The following GDAP1 variants were observed in gnomAD, a reference collection of about 807,000 sequenced individuals.
GDAP1 encodes ganglioside induced differentiation associated protein 1.
A neutral mutation model predicts 40.1 loss-of-function variants in GDAP1; 34 were observed. That is an observed-to-expected ratio of 0.85 (90% CI 0.64 to 1.13). The LOEUF (loss-of-function observed/expected upper bound fraction) is 1.13, where lower values mean the gene tolerates loss of function less well. Among genes scored for constraint, GDAP1 ranks in the 50% most tolerant of loss-of-function variants. The pLI, the probability that GDAP1 is intolerant of heterozygous loss-of-function variation, is 0.00. For synonymous variants in GDAP1, 170 were observed against 157.4 expected (o/e 1.08, Z -0.60); for missense variants, 374 against 433.7 (o/e 0.86, Z 1.22).
intron 2 of GDAP1, among the ~76,000 whole-genome samples, chr8:74,382,384 T>A (rs1809968164): frequency 6.6e-6 from 1 of 151,580 alleles, no homozygotes; most frequent in African/African-American, 2.4e-5. Context: ...TGGTTTTTTT[T>A]TTTTTCTAGA....
intron 2 of GDAP1, among the ~76,000 whole-genome samples, chr8:74,455,832 T>C (rs1393469891): frequency 6.6e-6 from 1 of 151,900 alleles, no homozygotes; most frequent in Admixed American, 6.6e-5. Context: ...ATCACCATAA[T>C]ATATAGGATG....
intron 2 of GDAP1, among the ~76,000 whole-genome samples, chr8:74,355,841 T>G (rs1032301339): frequency 6.6e-6 from 1 of 152,272 alleles, no homozygotes; most frequent in South Asian, 2.1e-4. Context: ...TAATTTATTC[T>G]TAGGAAATAG....
Position 74,365,374 on chromosome 8 carries a change from A to G in GDAP1, c.*1007A>G. On this transcript the variant is annotated 3_prime_UTR_variant, in exon 6 of 6. Coordinates refer to ENST00000220822, the MANE Select transcript of GDAP1 (RefSeq NM_018972.4). ...GAATTAAATGGGTAGATAGTGATGC[A>G]TACCTGTATTCACTGATGTATGTTT... 1 of 453,982 alleles carries G rather than the reference A, an allele frequency of 2.2e-6. No individual in the cohort carries two copies. The allele number at this position is 453,982 out of a possible 1,614,324, so 28.1% of individuals were successfully genotyped here. A position where few individuals can be genotyped will look rare whatever the true frequency, so the allele number is the denominator to read the frequency against.
chr8:74,367,056 C>A, downstream of GDAP1: 2 of 204,760 alleles, frequency 9.8e-6, no homozygotes, highest in East Asian at 1.3e-4. Context: ...TAAATATGCA[C>A]GGTTAAAATG....
intron 2 of GDAP1, among the ~76,000 whole-genome samples, chr8:74,382,643 C>T (rs1809971473): frequency 1.3e-5 from 2 of 151,932 alleles, no homozygotes; most frequent in South Asian, 4.1e-4. Flanking sequence ...AATGATTATA[C>T]TGAATACATG....
chr8:74,427,208 C>T lies in GDAP1; in HGVS notation c.166-61470C>T, dbSNP rs1213163064. Among the ~76,000 whole-genome samples, 7 of 152,182 alleles carry T rather than the reference C, an allele frequency of 4.6e-5. No individual in the cohort carries two copies. The South Asian group carries it at 1.5e-3, about 32-fold the overall frequency. On this transcript the variant is annotated intron_variant, in intron 2 of 2. Transcript: ENST00000523640. ...TCCAGCTGACAGCCAGAATCAACTT[C>T]CAGATGGGTGAACGAGGCCGTGTGA...
At chr8:74,428,650 T>TTTTTTC in intron 2 of GDAP1, among the ~76,000 whole-genome samples, 1 of 132,478 alleles carries the variant, frequency 7.5e-6, no homozygotes, top group Admixed American at 7.7e-5. Flanking sequence ...TTTTTTTTTT[T>TTTTTTC]TTTTTTTTTT....
intron 2 of GDAP1, among the ~76,000 whole-genome samples, chr8:74,388,563 G>C (rs1368408359): frequency 6.6e-6 from 1 of 151,930 alleles, no homozygotes; most frequent in African/African-American, 2.4e-5. Flanking sequence ...TATGACTTCT[G>C]TCTTTTGCCT....
intron 2 of GDAP1, among the ~76,000 whole-genome samples, chr8:74,439,158 G>T (rs1024113694): frequency 2.0e-5 from 3 of 151,532 alleles, no homozygotes; most frequent in African/African-American, 4.9e-5. Flanking sequence ...ATATCTTTCT[G>T]CACCAAAATG....
intron 2 of GDAP1, among the ~76,000 whole-genome samples, chr8:74,408,772 C>T (rs999700042): frequency 4.7e-5 from 7 of 150,100 alleles, no homozygotes; most frequent in African/African-American, 1.5e-4. Context: ...GAATTCTCGA[C>T]TTATTGGTTA....
intron 2 of GDAP1, among the ~76,000 whole-genome samples, chr8:74,388,435 T>C (rs1387918527): frequency 6.6e-6 from 1 of 152,208 alleles, no homozygotes; most frequent in Non-Finnish European, 1.5e-5. Flanking sequence ...TTTTGTTATT[T>C]ACCCAATAGT....
chr8:74,487,065 T>C (rs757113975), intron 2 of GDAP1, among the ~76,000 whole-genome samples: 2 of 152,158 alleles, frequency 1.3e-5, no homozygotes, highest in Non-Finnish European at 2.9e-5. Context: ...ACATACCTCA[T>C]AGAGTCATGA....
intron 2 of GDAP1, among the ~76,000 whole-genome samples, chr8:74,468,740 C>T (rs901603970): frequency 7.2e-5 from 11 of 152,116 alleles, no homozygotes; most frequent in Non-Finnish European, 1.5e-4. Flanking sequence ...ATAATATCAT[C>T]TGCAAAGAGT....
chr8:74,424,253 C>A (rs924929725), intron 2 of GDAP1, among the ~76,000 whole-genome samples: 4 of 152,092 alleles, frequency 2.6e-5, no homozygotes, highest in African/African-American at 9.6e-5. Flanking sequence ...GAAAAAGAGT[C>A]CATACATGTT....
intron 2 of GDAP1, among the ~76,000 whole-genome samples, chr8:74,355,500 G>A (rs928245401): frequency 6.6e-6 from 1 of 152,160 alleles, no homozygotes; most frequent in African/African-American, 2.4e-5. Context: ...CTCTGAGCAT[G>A]TGGTGAGGAA....
intron 2 of GDAP1, among the ~76,000 whole-genome samples, chr8:74,409,117 A>G (rs920018442): frequency 2.7e-5 from 4 of 149,980 alleles, no homozygotes. Context: ...CTGATGTGCA[A>G]TCAGAATGTC....
chr8:74,386,571 G>A (rs1466085809), intron 2 of GDAP1, among the ~76,000 whole-genome samples: 1 of 152,068 alleles, frequency 6.6e-6, no homozygotes, highest in Non-Finnish European at 1.5e-5. Context: ...AGTACCATGC[G>A]ATTTTTGTTA....
At chr8:74,373,156 G>C (rs1391082738) in intron 2 of GDAP1, among the ~76,000 whole-genome samples, 1 of 152,168 alleles carries the variant, frequency 6.6e-6, no homozygotes, top group Admixed American at 6.5e-5. Flanking sequence ...TTTGGTTACT[G>C]TAGCCTTGTA....
In GDAP1 at chr8:74,422,348, T is replaced by TC. The variant is rs1563465526; in HGVS notation, c.166-66329dup. Reference sequence around the variant, plus strand: ...TTCTTTCTTTCTTTCTTTCTTTCTTTCTTCCCTTCCTTCCTTCCTTCCTTC... The same window carrying TC: ...TTCTTTCTTTCTTTCTTTCTTTCTTTCCTTCCCTTCCTTCCTTCCTTCCTTC... On this transcript the variant is annotated intron_variant, in intron 2 of 2. Transcript: ENST00000523640. Among the ~76,000 whole-genome samples the TC allele has an allele frequency of 1.1e-3, 42 of 37,710 alleles. 2 individuals carry two copies. Among genetic ancestry groups the TC allele is most frequent in the African/African-American group, 4.3e-3 (35 of 8,182 alleles). 24.7% of individuals were successfully genotyped at this position (37,710 alleles called of 152,430 possible).
Sources: allele counts gnomAD v4.1 joint callset (sites outside exome capture counted in the v4.1 genomes callset), GRCh38; gene constraint gnomAD v4.1.1; transcripts MANE v1.5; gene names NCBI Gene and HGNC (gene_info 2026-07-23, HGNC 2026-07-21).